Variants in KLHL7 observed in about 807,000 individuals in gnomAD.
KLHL7 encodes the protein kelch-like protein 7.
In KLHL7, 44 loss-of-function variants were observed where a neutral mutation model predicts 67.4. The observed-to-expected ratio is 0.65, with a 90% CI of 0.51 to 0.84. The LOEUF is 0.84. KLHL7 is among the 40% of genes least tolerant of loss of function. The probability of loss-of-function intolerance (pLI) is 0.00; values close to 1 mark genes in which losing one functional copy is unlikely to be tolerated. For missense variants in KLHL7, 362 were observed against 718.1 expected (o/e 0.50, Z 5.67); for synonymous variants, 252 against 243.3 (o/e 1.04, Z -0.33).
intron 8 of KLHL7, among the ~76,000 whole-genome samples, chr7:23,166,330 T>G (rs143827009): frequency 2.0e-5 from 3 of 152,298 alleles, no homozygotes; most frequent in African/African-American, 7.2e-5. Context: ...TGCTTTCTTT[T>G]TATTAGAAAA....
Position 23,105,936 on chromosome 7 carries a change from G to A in KLHL7, c.-91G>A, listed in dbSNP as rs965014872. ...CGCTGCAGCTGCACTGCCGATCGCC[G>A]TGTTTGGTCGATAGAATCCCCAGTG... On this transcript the variant is annotated 5_prime_UTR_variant, in exon 1 of 11. It adds an upstream start codon to the 5' untranslated region. Transcript: ENST00000339077. 1.3e-6 allele frequency: 2 copies of A among 1,541,660 alleles called. No homozygotes were observed. The highest frequency in any genetic ancestry group is 8.7e-7 in the Non-Finnish European group (1 of 1,144,914).
chr7:23,114,709 T>A (rs1476222037), intron 1 of KLHL7, among the ~76,000 whole-genome samples: 2 of 152,222 alleles, frequency 1.3e-5, no homozygotes, highest in Admixed American at 6.5e-5. Flanking sequence ...GTTATTTAAA[T>A]TTTTACCCAA....
chr7:23,117,850 C>G, intron 1 of KLHL7: 4 of 1,612,378 alleles, frequency 2.5e-6, no homozygotes, highest in Non-Finnish European at 3.4e-6. Context: ...AAATCTACCA[C>G]CCAGCTGTAG....
At chr7:23,161,132 T>C (rs1784843192) in intron 7 of KLHL7, among the ~76,000 whole-genome samples, 1 of 152,230 alleles carries the variant, frequency 6.6e-6, no homozygotes, top group Admixed American at 6.5e-5. Context: ...AAAAAATACA[T>C]ATTCTTTGTA....
intron 1 of KLHL7, 85 bp downstream of exon 1, chr7:23,106,231 C>G: frequency 6.4e-7 from 1 of 1,557,326 alleles, no homozygotes; most frequent in South Asian, 1.2e-5. Context: ...ACCCCGCGCC[C>G]TGTGGATCGC....
At chr7:23,115,613 G>A (rs569333529) in intron 1 of KLHL7, among the ~76,000 whole-genome samples, 5 of 151,514 alleles carry the variant, frequency 3.3e-5, no homozygotes, top group Middle Eastern at 3.4e-3. Context: ...GCGTGATCTC[G>A]GCTCCCTGCA....
chr7:23,123,077 A>G (rs1783416012), intron 1 of KLHL7, among the ~76,000 whole-genome samples: 1 of 152,188 alleles, frequency 6.6e-6, no homozygotes, highest in African/African-American at 2.4e-5. Flanking sequence ...CGTTTTCCCC[A>G]CATTTTAATT....
At chr7:23,173,104 A>AT in intron 10 of KLHL7, 59 bp downstream of exon 10, 1 of 1,135,932 alleles carries the variant, frequency 8.8e-7, no homozygotes, top group South Asian at 1.2e-5. Flanking sequence ...ACTTCCTTAA[A>AT]TTATTGAAGC....
intron 7 of KLHL7, among the ~76,000 whole-genome samples, chr7:23,158,835 T>C (rs574243599): frequency 2.0e-5 from 3 of 152,250 alleles, no homozygotes; most frequent in African/African-American, 7.2e-5. Context: ...TGATAGACAA[T>C]GACTGTGTTG....
intron 9 of KLHL7, among the ~76,000 whole-genome samples, chr7:23,169,040 C>T (rs1438640598): frequency 6.6e-6 from 1 of 152,116 alleles, no homozygotes; most frequent in East Asian, 1.9e-4. Context: ...GCAGGCAGAT[C>T]ACTTGAGGTC....
intron 4 of KLHL7, among the ~76,000 whole-genome samples, chr7:23,126,352 C>T (rs1783572850): frequency 1.3e-5 from 2 of 152,104 alleles, no homozygotes; most frequent in Admixed American, 6.5e-5. Flanking sequence ...AAAGCAAAAC[C>T]ATGGATAAGG....
intron 1 of KLHL7, among the ~76,000 whole-genome samples, chr7:23,119,323 G>A (rs941202793): frequency 4.6e-5 from 7 of 152,104 alleles, no homozygotes; most frequent in Admixed American, 1.3e-4. Context: ...TCATGCCTCA[G>A]CCTCCTGAGT....
chr7:23,114,875 C>T (rs1783021984), intron 1 of KLHL7, among the ~76,000 whole-genome samples: 1 of 152,178 alleles, frequency 6.6e-6, no homozygotes, highest in African/African-American at 2.4e-5. Context: ...CTAAAGCACT[C>T]CATATAATTC....
At position 23,126,297 on chromosome 7, in the gene KLHL7, ATTGT is replaced by A. The variant is rs542752442; in HGVS notation, c.442+1132_442+1135del. ...ACAGCACACAATTTCAAACATATGAATTGTTTGTTTCTGGAATTTTCCATTTAAT... is the reference window on the plus strand; with the variant it reads ...ACAGCACACAATTTCAAACATATGAATTGTTTCTGGAATTTTCCATTTAAT... On this transcript the variant is annotated intron_variant, in intron 4 of 10. Transcript: ENST00000339077. 3.9e-4 allele frequency among the ~76,000 whole-genome samples: 59 copies of A among 152,306 alleles called. 1 individual carries two copies. Among genetic ancestry groups the A allele is most frequent in the African/African-American group, 1.4e-3 (59 of 41,584 alleles).
intron 1 of KLHL7, among the ~76,000 whole-genome samples, chr7:23,123,092 A>G (rs920476247): frequency 2.0e-5 from 3 of 152,188 alleles, no homozygotes; most frequent in African/African-American, 7.2e-5. Flanking sequence ...TTAATTAAGT[A>G]TTACTCAGAG....
Position 23,168,044 on chromosome 7 carries a change from A to G in KLHL7, c.1379+7A>G, listed in dbSNP as rs1785054125. The G allele has an allele frequency of 6.2e-7, 1 of 1,610,914 alleles. No homozygotes were observed. The highest frequency in any genetic ancestry group is 1.7e-5 in the Admixed American group (1 of 59,996). ...ATGATCCTGCCACAGAAACGTATGT[A>G]TCTATTTAAAATTTATTTTACAGTT... On this transcript the variant is annotated splice_region_variant and intron_variant, in intron 9 of 10. Coordinates refer to ENST00000339077, the MANE Select transcript of KLHL7 (RefSeq NM_001031710.3).
intron 4 of KLHL7, among the ~76,000 whole-genome samples, chr7:23,132,425 A>G (rs190531038): frequency 1.0e-3 from 154 of 152,306 alleles, no homozygotes; most frequent in Non-Finnish European, 1.4e-3. Flanking sequence ...ATACCTTTTC[A>G]TAAGTCTGTT....
chr7:23,166,061 T>A, intron 8 of KLHL7, 123 bp downstream of exon 8: 1 of 1,153,598 alleles, frequency 8.7e-7, no homozygotes, highest in Non-Finnish European at 1.3e-6. Flanking sequence ...TTTAAATATG[T>A]GTTTGTCACA....
intron 1 of KLHL7, among the ~76,000 whole-genome samples, chr7:23,112,896 G>A (rs1310642557): frequency 1.3e-5 from 2 of 152,140 alleles, no homozygotes; most frequent in African/African-American, 4.8e-5. Context: ...AAAGATATAG[G>A]TGTCTTTAAA....
Sources: allele counts gnomAD v4.1 joint callset (sites outside exome capture counted in the v4.1 genomes callset), GRCh38; gene constraint gnomAD v4.1.1; transcripts MANE v1.5; gene names NCBI Gene and HGNC (gene_info 2026-07-23, HGNC 2026-07-21).